The following USH2A variants were observed in gnomAD, a reference collection of about 807,000 sequenced individuals.
The protein encoded by USH2A is usherin, also known as Usher syndrome 2A (autosomal recessive, mild).
USH2A carries 443 observed loss-of-function variants against 538.9 expected under a neutral mutation model. That is an observed-to-expected ratio of 0.82 (90% confidence interval 0.76 to 0.89). USH2A has a LOEUF of 0.89. USH2A is among the 40% of genes least tolerant of loss of function. USH2A has a pLI of 0.00. For synonymous variants in USH2A, 2,413 were observed against 2,273.5 expected (o/e 1.06, Z -1.75); for missense variants, 6,633 against 6,324.8 (o/e 1.05, Z -1.65).
chr1:216,421,537 A>G (rs1340049760), intron 2 of USH2A, among the ~76,000 whole-genome samples: 8 of 152,334 alleles, frequency 5.3e-5, no homozygotes, highest in African/African-American at 1.7e-4. Context: ...ACAAGTTTCC[A>G]TGCCTTAAAA....
chr1:215,878,773 G>A lies in USH2A; in HGVS notation c.8549C>T (p.Pro2850Leu), dbSNP rs762053600. 5.6e-6 allele frequency: 9 copies of A among 1,613,738 alleles called. No homozygotes were observed. Among genetic ancestry groups the A allele is most frequent in the African/African-American group, 2.7e-5 (2 of 74,876 alleles). Residue 2850 changes from proline (P) to leucine (L), a missense_variant, in exon 42 of 72, where the codon CCT becomes CTT. Physicochemically the swap from Pro to Leu is moderately conservative, Grantham distance 98 (BLOSUM62 -3). Transcript: ENST00000307340. ...AGTCACCTTCTCTTACCTCAAATTA[G>A]GTCCATTTGGCTTGGATGGTGGTTG... ...SWQPPSKPNG[P>L]NLRYELLRRK...
At chr1:216,103,751 C>G (rs1172146478) in intron 21 of USH2A, among the ~76,000 whole-genome samples, 2 of 152,096 alleles carry the variant, frequency 1.3e-5, no homozygotes, top group South Asian at 2.1e-4. Context: ...AACGTCTAAA[C>G]AATCACTTGA....
chr1:215,627,418 TTCCTTCCTTCC>T (rs1656075774), intron 71 of USH2A, among the ~76,000 whole-genome samples: 8 of 118,242 alleles, frequency 6.8e-5, no homozygotes, highest in East Asian at 5.5e-4. Context: ...CCTTCCTTCC[TTCCTTCCTTCC>T]TTCCTTCCTT....
At chr1:216,038,648 G>A (rs1036614038) in intron 32 of USH2A, among the ~76,000 whole-genome samples, 6 of 151,964 alleles carry the variant, frequency 3.9e-5, no homozygotes, top group African/African-American at 1.2e-4. Context: ...CTTGTTTTGG[G>A]TACAGATTCC....
chr1:215,866,938 C>T, intron 44 of USH2A, 69 bp downstream of exon 44: 3 of 1,604,618 alleles, frequency 1.9e-6, no homozygotes, highest in Non-Finnish European at 2.6e-6. Context: ...GGGGGAGGTT[C>T]ATAGTAAAGA....
Position 216,391,111 on chromosome 1 carries a change from G to C in USH2A, c.652-26026C>G, listed in dbSNP as rs1019613315. On this transcript the variant is annotated intron_variant, in intron 3 of 71. Transcript: ENST00000307340. ...CCCAAGCCTCTAACCACAGAGTTCA[G>C]CTGAAGGTAACTATCTGTCAAATGT... is the stretch of plus-strand genomic sequence containing the variant. Among the ~76,000 whole-genome samples the C allele has an allele frequency of 2.6e-5, 4 of 152,180 alleles. No homozygotes were observed. The South Asian group carries it at 6.2e-4, about 24-fold the overall frequency.
chr1:215,684,211 G>C (rs1034506573), intron 61 of USH2A, among the ~76,000 whole-genome samples: 10 of 152,144 alleles, frequency 6.6e-5, no homozygotes, highest in African/African-American at 2.4e-4. Context: ...AGGTTCTGCT[G>C]GCAATTTGAA....
At chr1:215,957,262 C>A (rs1667090756) in intron 37 of USH2A, among the ~76,000 whole-genome samples, 1 of 152,046 alleles carries the variant, frequency 6.6e-6, no homozygotes, top group African/African-American at 2.4e-5. Context: ...TTCCTAATAT[C>A]TTTTGTGCTG....
chr1:215,628,668 A>G (rs1332302509), intron 71 of USH2A, 146 bp downstream of exon 71: 3 of 815,906 alleles, frequency 3.7e-6, no homozygotes, highest in African/African-American at 3.4e-5. Flanking sequence ...CTGAAGTAAC[A>G]TTAGTAAACC....
intron 14 of USH2A, among the ~76,000 whole-genome samples, chr1:216,218,784 A>T (rs567007284): frequency 2.0e-5 from 3 of 152,192 alleles, no homozygotes; most frequent in African/African-American, 7.2e-5. Context: ...ATTACATCAG[A>T]ATTCCATTTC....
At chr1:216,129,034 C>T (rs1471280267) in intron 21 of USH2A, among the ~76,000 whole-genome samples, 1 of 152,004 alleles carries the variant, frequency 6.6e-6, no homozygotes, top group East Asian at 1.9e-4. Context: ...GCTTATTTCA[C>T]TTAACATAAT....
chr1:215,857,540 A>G (rs1203245772), intron 44 of USH2A, among the ~76,000 whole-genome samples: 1 of 152,070 alleles, frequency 6.6e-6, no homozygotes, highest in Admixed American at 6.6e-5. Flanking sequence ...TACATATTCA[A>G]TAAGCCTCAG....
At chr1:215,764,969 C>A (rs189260736) in intron 56 of USH2A, among the ~76,000 whole-genome samples, 1 of 150,002 alleles carries the variant, frequency 6.7e-6, no homozygotes, top group Non-Finnish European at 1.5e-5. Context: ...AGGAAAGATA[C>A]ATAAAGTTAA....
chr1:216,300,905 T>C (rs2037203185), intron 9 of USH2A, among the ~76,000 whole-genome samples: 1 of 151,812 alleles, frequency 6.6e-6, no homozygotes, highest in East Asian at 1.9e-4. Flanking sequence ...CACATCACCA[T>C]GCCCAGCTAA....
chr1:215,715,118 A>G (rs554689599), intron 61 of USH2A, among the ~76,000 whole-genome samples: 8 of 152,232 alleles, frequency 5.3e-5, no homozygotes, highest in Non-Finnish European at 8.8e-5. Context: ...TGCATTAGCT[A>G]CTTATCCTGA....
chr1:216,242,777 T>C (rs2102539333), intron 13 of USH2A, among the ~76,000 whole-genome samples: 1 of 152,214 alleles, frequency 6.6e-6, no homozygotes, highest in Non-Finnish European at 1.5e-5. Context: ...CTCGATAATA[T>C]CTTAAACTCT....
At chr1:216,321,120 T>A (rs1159145210) in intron 9 of USH2A, among the ~76,000 whole-genome samples, 1 of 152,144 alleles carries the variant, frequency 6.6e-6, no homozygotes, top group Non-Finnish European at 1.5e-5. Context: ...GAGCTCTAAT[T>A]TTATTTTCTT....
intron 21 of USH2A, 31 bp from the exon 22 acceptor site, chr1:216,097,244 T>C: frequency 6.2e-7 from 1 of 1,613,876 alleles, no homozygotes; most frequent in South Asian, 1.1e-5. Flanking sequence ...AGCAAATCAG[T>C]GCTGGGGTTT....
intron 21 of USH2A, among the ~76,000 whole-genome samples, chr1:216,163,011 A>G (rs935042918): frequency 6.6e-6 from 1 of 151,922 alleles, no homozygotes; most frequent in Non-Finnish European, 1.5e-5. Context: ...TTATTCCTTT[A>G]CCAGATATAC....
Sources: allele counts gnomAD v4.1 joint callset (sites outside exome capture counted in the v4.1 genomes callset), GRCh38; gene constraint gnomAD v4.1.1; transcripts MANE v1.5; gene names NCBI Gene and HGNC (gene_info 2026-07-23, HGNC 2026-07-21).